Variants in ROCK2 observed in about 807,000 individuals in gnomAD.
The protein encoded by ROCK2 is rho-associated protein kinase 2.
In ROCK2, 61 loss-of-function variants were observed where a neutral mutation model predicts 195.1. The observed-to-expected ratio is 0.31, with a 90% CI of 0.25 to 0.39. The LOEUF is 0.39. Among genes scored for constraint, ROCK2 ranks in the 10% least tolerant of loss-of-function variants. ROCK2 has a pLI of 1.00. For missense variants in ROCK2, 1,109 were observed against 1,637.4 expected (o/e 0.68, Z 5.57); for synonymous variants, 504 against 545.5 (o/e 0.92, Z 1.06).
At chr2:11,296,338 TA>T (rs1042852871) in intron 1 of ROCK2, among the ~76,000 whole-genome samples, 27 of 152,144 alleles carry the variant, frequency 1.8e-4, no homozygotes, top group African/African-American at 6.3e-4. Flanking sequence ...TATTAGAAGG[TA>T]AAACAGTTTG....
At chr2:11,308,519 A>C in intron 1 of ROCK2, 1 of 1,552,840 alleles carries the variant, frequency 6.4e-7, no homozygotes, top group Non-Finnish European at 8.9e-7. Flanking sequence ...ACCAGGAATG[A>C]CATTACTCAC....
intron 1 of ROCK2, chr2:11,308,611 T>A: frequency 6.8e-7 from 1 of 1,476,702 alleles, no homozygotes; most frequent in South Asian, 1.1e-5. Flanking sequence ...AGGATCTGAA[T>A]GGCATAGACT....
intron 3 of ROCK2, among the ~76,000 whole-genome samples, chr2:11,269,385 G>A (rs1041152317): frequency 2.0e-5 from 3 of 151,940 alleles, no homozygotes; most frequent in East Asian, 1.9e-4. Flanking sequence ...GGTGACAGGC[G>A]CCTGTAATAC....
chr2:11,217,341 C>G (rs184400427), intron 11 of ROCK2, 172 bp from the exon 12 acceptor site: 1 of 710,128 alleles, frequency 1.4e-6, no homozygotes, highest in Admixed American at 1.7e-5. Flanking sequence ...AGGAAAAACT[C>G]CCCCATCTCT....
intron 1 of ROCK2, among the ~76,000 whole-genome samples, chr2:11,325,792 A>C (rs1301721201): frequency 6.6e-6 from 1 of 152,194 alleles, no homozygotes; most frequent in Non-Finnish European, 1.5e-5. Context: ...GGGGGAAAGA[A>C]CACCAGGGAA....
intron 12 of ROCK2, 104 bp from the exon 13 acceptor site, chr2:11,216,310 T>A: frequency 2.3e-6 from 2 of 867,952 alleles, no homozygotes; most frequent in Non-Finnish European, 3.7e-6. Context: ...CTCTCCTTTA[T>A]TTTTCTGAGA....
At chr2:11,210,397 G>A (rs1460393812) in intron 18 of ROCK2, among the ~76,000 whole-genome samples, 2 of 151,134 alleles carry the variant, frequency 1.3e-5, no homozygotes, top group Non-Finnish European at 2.9e-5. Context: ...ATGGCTCACT[G>A]CAGCCTTGAA....
At chr2:11,213,809 T>C (rs1664332500) in intron 17 of ROCK2, among the ~76,000 whole-genome samples, 1 of 152,062 alleles carries the variant, frequency 6.6e-6, no homozygotes, top group Non-Finnish European at 1.5e-5. Context: ...ATACTGTCAT[T>C]AGAATTATCT....
chr2:11,187,041 G>C (rs1399339712), intron 32 of ROCK2, among the ~76,000 whole-genome samples: 2 of 152,212 alleles, frequency 1.3e-5, no homozygotes, highest in African/African-American at 4.8e-5. Flanking sequence ...GCTTTGGAAA[G>C]AGTGCATTTA....
chr2:11,188,898 G>A (rs1663307868), intron 32 of ROCK2, among the ~76,000 whole-genome samples: 1 of 151,642 alleles, frequency 6.6e-6, no homozygotes, highest in African/African-American at 2.4e-5. Context: ...TGCTAATTTT[G>A]TAGGGTGCAT....
At chr2:11,195,772 C>T (rs1039431670) in intron 27 of ROCK2, among the ~76,000 whole-genome samples, 1 of 152,204 alleles carries the variant, frequency 6.6e-6, no homozygotes, top group Non-Finnish European at 1.5e-5. Context: ...GCCTCAGCCT[C>T]TCAAAGTGCT....
In ROCK2 at chr2:11,215,096, C is replaced by A; in HGVS notation, c.1690-10G>T. The A allele has an allele frequency of 6.2e-7, 1 of 1,612,944 alleles. No homozygotes were observed. Among genetic ancestry groups the A allele is most frequent in the Non-Finnish European group, 8.5e-7 (1 of 1,179,334 alleles). ...CATTGGTTTCATCCAGCTGTTATTC[C>A]ATTCAAAACCAAACAACAACAAACA... On this transcript the variant is annotated splice_polypyrimidine_tract_variant and intron_variant, in intron 15 of 32. Coordinates refer to ENST00000315872, the MANE Select transcript of ROCK2 (RefSeq NM_004850.5).
In ROCK2 at chr2:11,201,986, G is replaced by T; in HGVS notation, c.2619+66C>A. The T allele has an allele frequency of 8.5e-7, 1 of 1,170,906 alleles. No homozygotes were observed. Among genetic ancestry groups the T allele is most frequent in the Non-Finnish European group, 1.3e-6 (1 of 777,868 alleles). The allele number at this position is 1,170,906 out of a possible 1,614,324, so 72.5% of individuals were successfully genotyped here. A position where few individuals can be genotyped will look rare whatever the true frequency, so the allele number is the denominator to read the frequency against. ...CTGCTCTTTTTATATGAGTTGTATG[G>T]TATAAATAAAATATCCCAACCAAAA... On this transcript the variant is annotated intron_variant, in intron 21 of 32. Transcript: ENST00000315872. The surrounding 1 kb of genome is among the most constrained non-coding windows in gnomAD (Gnocchi z 4.6).
intron 23 of ROCK2, among the ~76,000 whole-genome samples, chr2:11,199,318 T>TC (rs1553296986): frequency 2.6e-5 from 4 of 151,616 alleles, no homozygotes; most frequent in East Asian, 1.9e-4. Flanking sequence ...TTTTTTTTTT[T>TC]TCTCTCTTTT....
At chr2:11,306,700 G>C (rs944119898) in intron 1 of ROCK2, among the ~76,000 whole-genome samples, 1 of 152,138 alleles carries the variant, frequency 6.6e-6, no homozygotes, top group African/African-American at 2.4e-5. Flanking sequence ...TGATAGCTCC[G>C]GGATATCATT....
chr2:11,312,122 T>C (rs1197945544), intron 1 of ROCK2, among the ~76,000 whole-genome samples: 1 of 152,174 alleles, frequency 6.6e-6, no homozygotes, highest in Non-Finnish European at 1.5e-5. Flanking sequence ...GAAAAACATA[T>C]TTTTCATTAA....
chr2:11,264,400 AG>A (rs1208188865), intron 3 of ROCK2, among the ~76,000 whole-genome samples: 3 of 58,476 alleles, frequency 5.1e-5, no homozygotes, highest in Admixed American at 2.8e-4. Flanking sequence ...GACAGAAAAA[AG>A]AGTAATCAGT....
rs1396440480 is a variant in ROCK2 at position 11,192,234 on chromosome 2, G to A, written c.4077C>T (p.Ala1359=). 6.2e-7 allele frequency: 1 copy of A among 1,613,826 alleles called. No homozygotes were observed. Among genetic ancestry groups the A allele is most frequent in the East Asian group, 2.2e-5 (1 of 44,868 alleles). ...PKKPPAPDPF[A]RSSPRTSMKI... ...TCATTGAAGTTCTAGGAGATGATCGGGCAAAAGGGTCTGGAGCTGGGGGCT... is the reference window on the plus strand; with the variant it reads ...TCATTGAAGTTCTAGGAGATGATCGAGCAAAAGGGTCTGGAGCTGGGGGCT... The change falls in exon 32 of 33, where the codon GCC becomes GCT. Residue 1359 remains alanine, a synonymous_variant. Transcript: ENST00000315872. The surrounding 1 kb of genome is among the most constrained non-coding windows in gnomAD (Gnocchi z 5.0).
Position 11,208,307 on chromosome 2 carries a change from T to C in ROCK2, c.2344A>G (p.Lys782Glu), listed in dbSNP as rs374045267. The C allele has an allele frequency of 2.1e-6, 3 of 1,454,956 alleles. No homozygotes were observed. The highest frequency in any genetic ancestry group is 2.8e-6 in the Non-Finnish European group (3 of 1,088,572). The allele number at this position is 1,454,956 out of a possible 1,614,324, so 90.1% of individuals were successfully genotyped here. ...CTTACATCCTCATTTAGCACATCTT[T>C]CTGTTTAAGGAGCTCATTTATTTTC... ...QQKINELLKQKDVLNEDVRNL... is the reference protein window; with the variant it reads ...QQKINELLKQEDVLNEDVRNL... The change falls in exon 19 of 33, where the codon AAA (lysine) becomes GAA (glutamate). Residue 782 changes from lysine to glutamate, a missense_variant. Around this residue, in one of 6 missense-constraint regions of ROCK2, gnomAD observed 542 missense variants for 672.0 expected, o/e 0.81. Transcript: ENST00000315872.
Sources: gnomAD v4.1 joint callset for allele counts (sites outside exome capture counted in the v4.1 genomes callset) on GRCh38, gnomAD v4.1.1 for gene constraint, gnomAD v4.1.1 regional missense constraint, Gnocchi (gnomAD v3.1) non-coding constraint, MANE v1.5 for transcripts, NCBI Gene and HGNC (gene_info 2026-07-23, HGNC 2026-07-21) for gene names.